LMF1: variants seen among roughly 807,000 people sequenced by gnomAD.
The protein encoded by LMF1 is transmembrane protein 112.
Under a neutral mutation model 60.6 loss-of-function variants are expected in LMF1, and 68 were observed. That is an observed-to-expected ratio of 1.12 (90% CI 0.92 to 1.37). LMF1 has a LOEUF of 1.37. Ranked by LOEUF, LMF1 falls within the 40% of genes most tolerant of loss-of-function variation. The pLI is 0.00. For missense variants in LMF1, 948 were observed against 767.2 expected, an observed-to-expected ratio of 1.24 and a Z score of -2.78; for synonymous variants, 418 against 324.7, an observed-to-expected ratio of 1.29 and a Z score of -3.09.
rs111781089 is a variant in LMF1 at position 936,489 on chromosome 16, A to T, written c.504-2235T>A. ...CCGTGGGCTGAGGAAGGTGGCTGGGAGAGAGAGGAGGCACCCTGTGGGCTC... is the reference window on the plus strand; with the variant it reads ...CCGTGGGCTGAGGAAGGTGGCTGGGTGAGAGAGGAGGCACCCTGTGGGCTC... On this transcript the variant is annotated intron_variant, in intron 2 of 10. Coordinates refer to ENST00000262301, the MANE Select transcript of LMF1 (RefSeq NM_022773.4). Among the ~76,000 whole-genome samples, 454 of 127,338 alleles carry T rather than the reference A, an allele frequency of 3.6e-3. 3 individuals are homozygous for T. The highest frequency in any genetic ancestry group is 5.6e-3 in the East Asian group (22 of 3,920). 83.5% of individuals were successfully genotyped at this position (127,338 alleles called of 152,430 possible).
At chr16:960,405 A>C (rs1285444424) in intron 1 of LMF1, among the ~76,000 whole-genome samples, 125 of 85,202 alleles carry the variant, frequency 1.5e-3, no homozygotes, top group South Asian at 5.0e-3. Context: ...ACCCAGACAC[A>C]GACTCACGGT....
In LMF1 at chr16:862,045, C is replaced by A. The variant is rs568535251; in HGVS notation, c.1529+6899G>T. Among the ~76,000 whole-genome samples, 9 of 152,320 alleles carry A rather than the reference C, an allele frequency of 5.9e-5. No individual in the cohort carries two copies. In the South Asian group the frequency reaches 1.9e-3, roughly 32 times the overall value. ...TGACAGATGTGATCGTGTGAGTTAT[C>A]TTCGGTAGCTGGTAACGTGTGGATC... On this transcript the variant is annotated intron_variant, in intron 10 of 10. Transcript: ENST00000262301.
intron 5 of LMF1, among the ~76,000 whole-genome samples, chr16:880,303 G>C (rs1246096592): frequency 2.0e-5 from 3 of 152,200 alleles, no homozygotes; most frequent in African/African-American, 7.2e-5. Context: ...AAGGCACAGA[G>C]AAGTCCCCAC....
chr16:942,506 G>A (rs1404924268), intron 2 of LMF1, among the ~76,000 whole-genome samples: 13 of 140,120 alleles, frequency 9.3e-5, no homozygotes, highest in Non-Finnish European at 1.8e-4. Context: ...CCAATCACAA[G>A]TATGTTAGAC....
rs1438923480 is a variant in LMF1, at chr16:893,052, C to T, written c.684G>A (p.Gly228=). The T allele has an allele frequency of 2.6e-6, 4 of 1,553,650 alleles. No individual in the cohort carries two copies. The African/African-American group carries it at 4.1e-5, about 16-fold the overall frequency. ...MLGAGLIKIR[G]DRCWRDLTCM... is the part of the protein sequence containing the mutation. ...AGGTGAGGTCTCGCCAGCACCGGTC[C>T]CCCCGGATCTTGATCAGGCCCTGCA... Residue 228 remains glycine (G), a synonymous_variant, in exon 5 of 11, where the codon GGG becomes GGA. Transcript: ENST00000262301.
At chr16:884,271 AC>A (rs2070245607) in intron 5 of LMF1, 1 of 152,164 alleles carries the variant, frequency 6.6e-6, no homozygotes, top group Non-Finnish European at 1.5e-5. Flanking sequence ...TTAGAATAGT[AC>A]TACAAACTAC....
At chr16:929,657 A>G (rs944210129) in intron 3 of LMF1, among the ~76,000 whole-genome samples, 5 of 152,140 alleles carry the variant, frequency 3.3e-5, no homozygotes, top group African/African-American at 1.2e-4. Flanking sequence ...TGCGGAATTC[A>G]TTACCGTCAG....
chr16:873,399 G>C (rs1277870825), intron 6 of LMF1: 1 of 152,342 alleles, frequency 6.6e-6, no homozygotes, highest in Admixed American at 6.5e-5. Context: ...GGTCCCCAAG[G>C]CCGGCACAGG....
Position 861,354 on chromosome 16 carries a change from CTTTTTTTT to C in LMF1, c.1530-6656_1530-6649del, listed in dbSNP as rs33941455. On this transcript the variant is annotated intron_variant, in intron 10 of 10. Transcript: ENST00000262301. ...CTGAACTCACTTATTAATTTTCTTTCTTTTTTTTTTTTTTTTTTTTTGAGATGGAGTTT... is the reference window on the plus strand; with the variant it reads ...CTGAACTCACTTATTAATTTTCTTTCTTTTTTTTTTTTTGAGATGGAGTTT... Among the ~76,000 whole-genome samples, 102 of 92,674 alleles carry C rather than the reference CTTTTTTTT, an allele frequency of 1.1e-3. 2 individuals carry two copies. The highest frequency in any genetic ancestry group is 3.9e-3 in the African/African-American group (92 of 23,526). 60.8% of individuals were successfully genotyped at this position (92,674 alleles called of 152,430 possible).
chr16:913,258 G>C (rs2071172961), intron 3 of LMF1, among the ~76,000 whole-genome samples: 1 of 152,240 alleles, frequency 6.6e-6, no homozygotes, highest in Admixed American at 6.5e-5. Flanking sequence ...CCGGGAGACT[G>C]AGCACACCCT....
intron 1 of LMF1, among the ~76,000 whole-genome samples, chr16:977,910 C>T (rs796108853): frequency 1.6e-5 from 2 of 127,132 alleles, no homozygotes; most frequent in Admixed American, 7.8e-5. Flanking sequence ...TAAACACACA[C>T]ACCACACACA....
intron 3 of LMF1, among the ~76,000 whole-genome samples, chr16:926,542 A>G (rs2071611521): frequency 6.6e-6 from 1 of 152,258 alleles, no homozygotes; most frequent in Admixed American, 6.5e-5. Context: ...TGGCATGAAG[A>G]TAAGAATGGA....
intron 3 of LMF1, among the ~76,000 whole-genome samples, chr16:923,730 A>C (rs1442727945): frequency 6.6e-6 from 1 of 152,230 alleles, no homozygotes; most frequent in African/African-American, 2.4e-5. Flanking sequence ...CAAACTCATC[A>C]GTGGCCCCCA....
At chr16:856,812 T>C (rs7195225) in intron 10 of LMF1, among the ~76,000 whole-genome samples, 5,165 of 152,124 alleles carry the variant, frequency 0.034, 258 homozygotes, top group African/African-American at 0.11. Flanking sequence ...GTGTTGAAAA[T>C]AGGGGATCTC....
chr16:932,047 CA>C (rs2071802946), intron 3 of LMF1, among the ~76,000 whole-genome samples: 1 of 152,230 alleles, frequency 6.6e-6, no homozygotes, highest in Admixed American at 6.5e-5. Flanking sequence ...ACCCCCCATG[CA>C]GACCCCGTTG....
At chr16:933,165 A>G (rs2071840472) in intron 3 of LMF1, 1 of 152,234 alleles carries the variant, frequency 6.6e-6, no homozygotes, top group Non-Finnish European at 1.5e-5. Flanking sequence ...GTGCACCCCG[A>G]GCCAGGTGGC....
rs1306937362 is a variant in LMF1 at position 962,600 on chromosome 16, G to C, written c.194-7934C>G. On this transcript the variant is annotated intron_variant, in intron 1 of 10. Transcript: ENST00000262301. This position sits in a 1 kb window ranked among gnomAD's most constrained non-coding sequence, Gnocchi z 4.5. ...CCAAAACCCATCACCCAGTCTAATT[G>C]CGAGGAAACACCAGACGGACCCAAC... is the stretch of plus-strand genomic sequence containing the variant. Among the ~76,000 whole-genome samples the C allele has an allele frequency of 6.6e-6, 1 of 152,190 alleles. No homozygotes were observed. Among genetic ancestry groups the C allele is most frequent in the African/African-American group, 2.4e-5 (1 of 41,450 alleles).
chr16:870,080 G>A lies in LMF1; in HGVS notation c.1233-14C>T, dbSNP rs755072286. Reference sequence around the variant, plus strand: ...TCCTTGGTGATGCTGCCGGGAGACCGAGGCAGGCCAGGCCCACGTCACACA... The same window carrying A: ...TCCTTGGTGATGCTGCCGGGAGACCAAGGCAGGCCAGGCCCACGTCACACA... On this transcript the variant is annotated splice_polypyrimidine_tract_variant and intron_variant, in intron 8 of 10. Coordinates refer to ENST00000262301, the MANE Select transcript of LMF1 (RefSeq NM_022773.4). The A allele has an allele frequency of 4.7e-5, 75 of 1,601,912 alleles. No homozygotes were observed. The South Asian group carries it at 6.6e-4, about 14-fold the overall frequency.
At chr16:941,366 C>G (rs942441318) in intron 2 of LMF1, among the ~76,000 whole-genome samples, 1 of 152,042 alleles carries the variant, frequency 6.6e-6, no homozygotes, top group Non-Finnish European at 1.5e-5. Flanking sequence ...ACTACAGGCA[C>G]GTGCAACTAT....
Sources: allele counts gnomAD v4.1 joint callset (sites outside exome capture counted in the v4.1 genomes callset), GRCh38; gene constraint gnomAD v4.1.1; non-coding constraint Gnocchi (gnomAD v3.1); transcripts MANE v1.5; gene names NCBI Gene and HGNC (gene_info 2026-07-23, HGNC 2026-07-21).